Variants in RNF220 observed in about 807,000 individuals in gnomAD.
The protein encoded by RNF220 is E3 ubiquitin-protein ligase RNF220.
In RNF220, 7 loss-of-function variants were observed where a neutral mutation model predicts 67.1. That is an observed-to-expected ratio of 0.10 (90% CI 0.06 to 0.20). The LOEUF is 0.20. RNF220 is among the 10% of genes least tolerant of loss of function. RNF220 has a pLI of 1.00. For missense variants in RNF220, 565 were observed against 740.3 expected (o/e 0.76, Z 2.75); for synonymous variants, 270 against 283.2 (o/e 0.95, Z 0.47).
chr1:44,418,875 G>C (rs1455884596), intron 2 of RNF220, among the ~76,000 whole-genome samples: 1 of 151,984 alleles, frequency 6.6e-6, no homozygotes, highest in Non-Finnish European at 1.5e-5. Flanking sequence ...ATATTTAATG[G>C]AGTTATATTT....
At chr1:44,527,337 G>A (rs1012380089) in intron 2 of RNF220, among the ~76,000 whole-genome samples, 24 of 151,786 alleles carry the variant, frequency 1.6e-4, no homozygotes, top group South Asian at 2.1e-4. Context: ...TTCTTTCCCC[G>A]TTATCTGTCC....
chr1:44,489,790 G>A (rs1360979475), intron 2 of RNF220, among the ~76,000 whole-genome samples: 2 of 152,074 alleles, frequency 1.3e-5, no homozygotes, highest in Non-Finnish European at 2.9e-5. Context: ...TGAATGCAAG[G>A]GCAGAATCTG....
At chr1:44,501,166 G>C (rs1657827875) in intron 2 of RNF220, among the ~76,000 whole-genome samples, 3 of 151,104 alleles carry the variant, frequency 2.0e-5, no homozygotes, top group Admixed American at 6.6e-5. Flanking sequence ...GCTTGGGGGA[G>C]GGGGTGGGGA....
chr1:44,406,180 C>A (rs140357345), intron 1 of RNF220, among the ~76,000 whole-genome samples: 124 of 152,316 alleles, frequency 8.1e-4, no homozygotes, highest in African/African-American at 2.8e-3. Flanking sequence ...GCCCTGGACC[C>A]CGGGTGCTCG....
chr1:44,565,995 G>T lies in RNF220; in HGVS notation c.626-48170G>T, dbSNP rs1054044793. 2.6e-5 allele frequency among the ~76,000 whole-genome samples: 4 copies of T among 152,108 alleles called. No homozygotes were observed. The highest frequency in any genetic ancestry group is 1.9e-4 in the East Asian group (1 of 5,180). On this transcript the variant is annotated intron_variant, in intron 2 of 14. Transcript: ENST00000361799. The surrounding 1 kb of genome is among the most constrained non-coding windows in gnomAD (Gnocchi z 4.2). ...GGCTTCGGCTGCCTTTAAATAGTCC[G>T]ATCTATCAGAGGGGCACACGCTGCC...
rs539863933 is a variant in RNF220, at chr1:44,484,713, C to G, written c.625+71991C>G. Among the ~76,000 whole-genome samples, 19 of 152,284 alleles carry G rather than the reference C, an allele frequency of 1.2e-4. 1 individual carries two copies. In the South Asian group the frequency reaches 3.3e-3, roughly 27 times the overall value. Reference sequence around the variant, plus strand: ...TGTAACTGGGTCAATCTGATTGTCTCTCTTCAACCTTTTTCAACCATGGTA... The same window carrying G: ...TGTAACTGGGTCAATCTGATTGTCTGTCTTCAACCTTTTTCAACCATGGTA... On this transcript the variant is annotated intron_variant, in intron 2 of 14. Transcript: ENST00000361799.
chr1:44,461,976 G>T (rs1653820903), intron 2 of RNF220, among the ~76,000 whole-genome samples: 1 of 134,412 alleles, frequency 7.4e-6, no homozygotes, highest in South Asian at 2.4e-4. Context: ...TGCCCAGGCT[G>T]GAGTGCAGTG....
chr1:44,591,247 C>T (rs989039648), intron 2 of RNF220, among the ~76,000 whole-genome samples: 22 of 152,320 alleles, frequency 1.4e-4, no homozygotes, highest in African/African-American at 5.3e-4. Context: ...GCCACTGCAC[C>T]CAGCCAGGAA....
intron 2 of RNF220, among the ~76,000 whole-genome samples, chr1:44,449,321 C>T (rs1159654274): frequency 6.6e-6 from 1 of 152,160 alleles, no homozygotes; most frequent in African/African-American, 2.4e-5. Flanking sequence ...TCCATAATTG[C>T]CCCCAAAACT....
chr1:44,487,944 A>G (rs1397365976), intron 2 of RNF220, among the ~76,000 whole-genome samples: 12 of 146,426 alleles, frequency 8.2e-5, no homozygotes, highest in Non-Finnish European at 1.5e-4. Flanking sequence ...TAATAGGAGT[A>G]TCTTAGAGTG....
chr1:44,564,680 C>A (rs1663844619), intron 2 of RNF220, among the ~76,000 whole-genome samples: 1 of 148,090 alleles, frequency 6.8e-6, no homozygotes, highest in Admixed American at 6.9e-5. Context: ...TTGAACCTGG[C>A]AGGCAGAGGT....
At chr1:44,467,584 T>A (rs1165574635) in intron 2 of RNF220, among the ~76,000 whole-genome samples, 4 of 152,212 alleles carry the variant, frequency 2.6e-5, no homozygotes, top group Non-Finnish European at 4.4e-5. Context: ...AAGGCCTTGG[T>A]CTGGATTAGG....
chr1:44,532,852 G>T (rs1660935023), intron 2 of RNF220, among the ~76,000 whole-genome samples: 2 of 152,210 alleles, frequency 1.3e-5, no homozygotes, highest in Non-Finnish European at 2.9e-5. Flanking sequence ...GGTATACTGA[G>T]GCTTTCTGCT....
chr1:44,488,973 T>G (rs907203937), intron 2 of RNF220, among the ~76,000 whole-genome samples: 1 of 152,152 alleles, frequency 6.6e-6, no homozygotes, highest in African/African-American at 2.4e-5. Flanking sequence ...TCAAGTGATC[T>G]GCCAGCCTTG....
At chr1:44,545,036 G>A (rs1200683267) in intron 2 of RNF220, among the ~76,000 whole-genome samples, 1 of 152,224 alleles carries the variant, frequency 6.6e-6, no homozygotes, top group Non-Finnish European at 1.5e-5. Context: ...AAACAAAGCG[G>A]GCTAAAATCC....
chr1:44,585,984 T>C (rs156651), intron 2 of RNF220, among the ~76,000 whole-genome samples: 74,891 of 151,986 alleles, frequency 0.49, 18,620 homozygotes, highest in Middle Eastern at 0.59. Context: ...GTCATCAGGC[T>C]GCCTCCCTGT....
intron 8 of RNF220, among the ~76,000 whole-genome samples, chr1:44,641,013 G>A (rs376033883): frequency 6.6e-6 from 1 of 152,046 alleles, no homozygotes; most frequent in Non-Finnish European, 1.5e-5. Context: ...TTTCTCAATC[G>A]ATCATCTGAT....
Position 44,624,760 on chromosome 1 carries a change from G to A in RNF220, c.805-1537G>A, listed in dbSNP as rs1481405567. 6.6e-6 allele frequency among the ~76,000 whole-genome samples: 1 copy of A among 152,168 alleles called. No homozygotes were observed. The highest frequency in any genetic ancestry group is 1.5e-5 in the Non-Finnish European group (1 of 68,038). ...GCCATTAAGAAAAAAATTAGCCGGT[G>A]GCGGCTATCATATTAAAGGGTGAAG... is the stretch of plus-strand genomic sequence containing the variant. On this transcript the variant is annotated intron_variant, in intron 4 of 14. Coordinates refer to ENST00000361799, the MANE Select transcript of RNF220 (RefSeq NM_018150.4). This position sits in a 1 kb window ranked among gnomAD's most constrained non-coding sequence, Gnocchi z 4.2.
intron 2 of RNF220, among the ~76,000 whole-genome samples, chr1:44,467,095 G>A (rs1403787086): frequency 6.6e-6 from 1 of 152,164 alleles, no homozygotes; most frequent in East Asian, 1.9e-4. Flanking sequence ...TAGATCTTCT[G>A]GTTAACTTGC....
Sources: allele counts gnomAD v4.1 joint callset (sites outside exome capture counted in the v4.1 genomes callset), GRCh38; gene constraint gnomAD v4.1.1; non-coding constraint Gnocchi (gnomAD v3.1); transcripts MANE v1.5; gene names NCBI Gene and HGNC (gene_info 2026-07-23, HGNC 2026-07-21).